Variants in PRELID2 observed in about 807,000 individuals in gnomAD.
PRELID2 encodes the protein PRELI domain-containing protein 2.
A neutral mutation model predicts 28.4 loss-of-function variants in PRELID2; 25 were observed. The observed-to-expected ratio is 0.88, with a 90% CI of 0.64 to 1.23. PRELID2 has a LOEUF of 1.23. Ranked by LOEUF, PRELID2 falls within the 50% of genes most tolerant of loss-of-function variation. PRELID2 has a pLI of 0.00. For synonymous variants in PRELID2, 76 were observed against 71.6 expected, an observed-to-expected ratio of 1.06 and a Z score of -0.31; for missense variants, 201 against 214.4, an observed-to-expected ratio of 0.94 and a Z score of 0.39.
At chr5:145,506,413 G>A (rs57700303) in intron 1 of PRELID2, among the ~76,000 whole-genome samples, 3,141 of 152,204 alleles carry the variant, frequency 0.021, 110 homozygotes, top group African/African-American at 0.073. Context: ...GATTTGCAAG[G>A]ACCAGCTCTG....
rs1386142530 is a variant in PRELID2, at chr5:145,634,379, G to A, written n.70+130552C>T. On this transcript the variant is annotated intron_variant and non_coding_transcript_variant, in intron 1 of 2. Coordinates refer to the PRELID2 transcript ENST00000510259. Reference sequence around the variant, plus strand: ...TTCAGCATGAGACACCATGTTCTATGATCCCCTTGTCCCTCCAAACACCTC... The same window carrying A: ...TTCAGCATGAGACACCATGTTCTATAATCCCCTTGTCCCTCCAAACACCTC... 4.6e-5 allele frequency among the ~76,000 whole-genome samples: 7 copies of A among 152,120 alleles called. No homozygotes were observed. In the East Asian group the frequency reaches 1.4e-3, roughly 29 times the overall value.
chr5:145,781,030 T>C (rs1274980757), intron 5 of PRELID2, among the ~76,000 whole-genome samples: 4 of 152,180 alleles, frequency 2.6e-5, no homozygotes, highest in African/African-American at 9.7e-5. Context: ...GACACAATGC[T>C]TCCTTTTCTC....
In PRELID2 at chr5:145,618,616, C is replaced by A. The variant is rs141473730; in HGVS notation, n.71-145301G>T. 1.4e-3 allele frequency among the ~76,000 whole-genome samples: 211 copies of A among 152,270 alleles called. 2 individuals carry two copies. The highest frequency in any genetic ancestry group is 5.0e-3 in the African/African-American group (207 of 41,540). On this transcript the variant is annotated intron_variant and non_coding_transcript_variant, in intron 1 of 2. Transcript: ENST00000510259. Reference sequence around the variant, plus strand: ...AGGTGAAATGGGCTGTGTAAGGGTACCTAGCTTTGGTGATTTAATGCTCTA... The same window carrying A: ...AGGTGAAATGGGCTGTGTAAGGGTAACTAGCTTTGGTGATTTAATGCTCTA...
the PRELID2 span, among the ~76,000 whole-genome samples, chr5:145,465,423 T>C: frequency 1.6e-4 from 25 of 152,276 alleles, no homozygotes; most frequent in Non-Finnish European, 3.5e-4. Flanking sequence ...TTCCATTGTG[T>C]GATATTATCC....
intron 5 of PRELID2, among the ~76,000 whole-genome samples, chr5:145,784,325 A>G (rs1561604050): frequency 6.6e-6 from 1 of 152,156 alleles, no homozygotes; most frequent in African/African-American, 2.4e-5. Context: ...ATTAACTTTC[A>G]GTAGTCTTCA....
chr5:145,262,195 G>C, the PRELID2 span, among the ~76,000 whole-genome samples: 12 of 151,854 alleles, frequency 7.9e-5, no homozygotes, highest in Admixed American at 6.6e-5. Context: ...AGAAATTTGG[G>C]ATTATGTTAA....
the PRELID2 span, among the ~76,000 whole-genome samples, chr5:145,336,101 C>T: frequency 1.3e-5 from 2 of 152,162 alleles, no homozygotes; most frequent in Admixed American, 6.5e-5. Flanking sequence ...ATGTCCTTTG[C>T]CCACTTTCTG....
the PRELID2 span, among the ~76,000 whole-genome samples, chr5:145,411,198 G>C: frequency 1.3e-5 from 2 of 152,176 alleles, no homozygotes. Context: ...ATGACAGAAG[G>C]CAAGGAGGAG....
the PRELID2 span, among the ~76,000 whole-genome samples, chr5:145,327,820 C>T: frequency 2.6e-5 from 4 of 152,154 alleles, no homozygotes; most frequent in East Asian, 3.9e-4. Context: ...TTCTGGGATA[C>T]ATGTGCAGAA....
At chr5:145,505,474 A>G (rs1276709628) in intron 1 of PRELID2, among the ~76,000 whole-genome samples, 1 of 152,158 alleles carries the variant, frequency 6.6e-6, no homozygotes, top group Non-Finnish European at 1.5e-5. Flanking sequence ...CTTGATTACT[A>G]TAATAACCTC....
At chr5:145,443,469 C>G in the PRELID2 span, among the ~76,000 whole-genome samples, 1 of 151,976 alleles carries the variant, frequency 6.6e-6, no homozygotes, top group Non-Finnish European at 1.5e-5. Flanking sequence ...ATTGGCCAAG[C>G]CTGGGTCATA....
chr5:145,299,270 G>A, the PRELID2 span, among the ~76,000 whole-genome samples: 1 of 151,894 alleles, frequency 6.6e-6, no homozygotes, highest in Non-Finnish European at 1.5e-5. Flanking sequence ...CAGACATTCA[G>A]CTAGTATTAA....
At position 145,650,523 on chromosome 5, in the gene PRELID2, CATATATACATATATATATATATATATAT is replaced by C. The variant is rs1380969180; in HGVS notation, n.70+114380_70+114407del. 2.4e-3 allele frequency among the ~76,000 whole-genome samples: 222 copies of C among 91,730 alleles called. 2 individuals carry two copies. The highest frequency in any genetic ancestry group is 9.3e-3 in the African/African-American group (216 of 23,166). 60.2% of individuals were successfully genotyped at this position (91,730 alleles called of 152,430 possible). On this transcript the variant is annotated intron_variant and non_coding_transcript_variant, in intron 1 of 2. Coordinates refer to the PRELID2 transcript ENST00000510259. Reference sequence around the variant, plus strand: ...TGAATTTTGAGCATATCGAATCGCACATATATACATATATATATATATATATATATATATATATATATATATATATATA... The same window carrying C: ...TGAATTTTGAGCATATCGAATCGCACATATATATATATATATATATATATA...
the PRELID2 span, among the ~76,000 whole-genome samples, chr5:145,337,123 A>G: frequency 6.6e-6 from 1 of 152,032 alleles, no homozygotes; most frequent in African/African-American, 2.4e-5. Context: ...AATAATAATA[A>G]TAATAAAAAG....
the PRELID2 span, among the ~76,000 whole-genome samples, chr5:145,398,186 C>A: frequency 6.6e-6 from 1 of 152,032 alleles, no homozygotes; most frequent in East Asian, 1.9e-4. Flanking sequence ...CCCTGGGATC[C>A]CTCAGGGAAC....
chr5:145,673,987 A>C (rs956756878), intron 1 of PRELID2, among the ~76,000 whole-genome samples: 3 of 152,214 alleles, frequency 2.0e-5, no homozygotes, highest in African/African-American at 7.2e-5. Flanking sequence ...GTTAACTTTC[A>C]TACTTAGTGA....
intron 1 of PRELID2, chr5:145,826,297 TCATA>T (rs1206290918): frequency 2.3e-6 from 1 of 432,556 alleles, no homozygotes; most frequent in African/African-American, 2.2e-5. Flanking sequence ...AATCCCCATT[TCATA>T]CTAGAGACTC....
At chr5:145,468,304 T>G (rs1165029774), downstream of PRELID2, among the ~76,000 whole-genome samples, 2 of 152,186 alleles carry the variant, frequency 1.3e-5, no homozygotes, top group Non-Finnish European at 2.9e-5. Flanking sequence ...ATTTTCTTAA[T>G]CCAGTCTGTC....
At chr5:145,482,523 T>C (rs754622231) in intron 1 of PRELID2, among the ~76,000 whole-genome samples, 4 of 152,226 alleles carry the variant, frequency 2.6e-5, no homozygotes, top group Non-Finnish European at 5.9e-5. Context: ...TCCAGCTTTT[T>C]CCACATTATC....
Sources: allele counts gnomAD v4.1 joint callset (sites outside exome capture counted in the v4.1 genomes callset), GRCh38; gene constraint gnomAD v4.1.1; transcripts MANE v1.5; gene names NCBI Gene and HGNC (gene_info 2026-07-23, HGNC 2026-07-21).